TEX15: variants seen among roughly 807,000 people sequenced by gnomAD.
TEX15 encodes testis expressed 15, meiosis and synapsis associated.
In TEX15, 171 loss-of-function variants were observed where a neutral mutation model predicts 237.3. That is an observed-to-expected ratio of 0.72 (90% CI 0.64 to 0.82). The LOEUF is 0.82. Among genes scored for constraint, TEX15 ranks in the 40% least tolerant of loss-of-function variants. The probability of loss-of-function intolerance (pLI) is 0.00; values close to 1 mark genes in which losing one functional copy is unlikely to be tolerated. For missense variants in TEX15, 3,750 were observed against 3,646.5 expected (o/e 1.03, Z -0.73); for synonymous variants, 1,338 against 1,269.8 (o/e 1.05, Z -1.14).
intron 1 of TEX15, among the ~76,000 whole-genome samples, chr8:30,911,728 T>A (rs1181883833): frequency 1.3e-5 from 2 of 152,116 alleles, no homozygotes; most frequent in East Asian, 3.9e-4. Flanking sequence ...TTCTCGAACA[T>A]CATCCCTGGG....
intron 1 of TEX15, among the ~76,000 whole-genome samples, chr8:30,909,564 T>G (rs1181818076): frequency 1.3e-5 from 2 of 152,170 alleles, no homozygotes; most frequent in African/African-American, 4.8e-5. Flanking sequence ...AAAGCAATCA[T>G]CAAATTTACA....
In TEX15 at chr8:30,833,066, C is replaced by T; in HGVS notation, c.*220G>A. The T allele has an allele frequency of 2.4e-6, 1 of 417,248 alleles. No homozygotes were observed. The highest frequency in any genetic ancestry group is 5.0e-5 in the South Asian group (1 of 19,998). The allele number at this position is 417,248 out of a possible 1,614,324, so 25.8% of individuals were successfully genotyped here. A position where few individuals can be genotyped will look rare whatever the true frequency, so the allele number is the denominator to read the frequency against. On this transcript the variant is annotated 3_prime_UTR_variant, in exon 11 of 11. Coordinates refer to ENST00000643185, the MANE Select transcript of TEX15 (RefSeq NM_001350162.2). ...TTAACTTTGATCATATTACCCTCCC[C>T]TTATAATTGCATGGAAATAATTCTG...
At chr8:30,882,440 C>A (rs1585306554) in intron 3 of TEX15, among the ~76,000 whole-genome samples, 1 of 152,318 alleles carries the variant, frequency 6.6e-6, no homozygotes, top group South Asian at 2.1e-4. Flanking sequence ...GCGGCCGCCA[C>A]CATGCCCGGC....
Position 30,848,156 on chromosome 8 carries a change from T to C in TEX15, c.2011A>G (p.Ser671Gly). Residue 671 changes from serine (S) to glycine (G), a missense_variant, in exon 8 of 11, where the codon AGT (serine) becomes GGT (glycine). Physicochemically the swap from Ser to Gly is moderately conservative, Grantham distance 56 (BLOSUM62 0). Coordinates refer to ENST00000643185, the MANE Select transcript of TEX15 (RefSeq NM_001350162.2). ...CAGCTTTTCCCAAAAGAATTATGACTCTCACTCTCTTTGTATTCTTGGTGC... is the reference window on the plus strand; with the variant it reads ...CAGCTTTTCCCAAAAGAATTATGACCCTCACTCTCTTTGTATTCTTGGTGC... ...VLHQEYKESE[S>G]HNSFGKSCDK... 6.2e-7 allele frequency: 1 copy of C among 1,610,694 alleles called. No homozygotes were observed. The highest frequency in any genetic ancestry group is 8.5e-7 in the Non-Finnish European group (1 of 1,179,048).
chr8:30,910,610 CTTT>C (rs796129316), intron 1 of TEX15, among the ~76,000 whole-genome samples: 8 of 97,908 alleles, frequency 8.2e-5, no homozygotes, highest in Admixed American at 3.4e-4. Context: ...CACGCCTGGC[CTTT>C]TTTTTTTTTT....
intron 1 of TEX15, among the ~76,000 whole-genome samples, chr8:30,904,037 A>C (rs1263317650): frequency 6.6e-6 from 1 of 151,094 alleles, no homozygotes; most frequent in Non-Finnish European, 1.5e-5. Context: ...TATGGTTATG[A>C]GGCTTTTTAA....
intron 7 of TEX15, among the ~76,000 whole-genome samples, chr8:30,857,386 T>C (rs1329022984): frequency 6.6e-6 from 1 of 152,144 alleles, no homozygotes; most frequent in African/African-American, 2.4e-5. Flanking sequence ...AGTATTCTTA[T>C]GAAAGACACA....
intron 3 of TEX15, among the ~76,000 whole-genome samples, chr8:30,883,953 T>C (rs1038632676): frequency 1.3e-5 from 2 of 152,234 alleles, no homozygotes; most frequent in Non-Finnish European, 2.9e-5. Context: ...TGAACTAATT[T>C]ACATTTACAT....
In TEX15 at chr8:30,849,008, C is replaced by A; in HGVS notation, c.1159G>T (p.Asp387Tyr). Residue 387 changes from aspartate to tyrosine, a missense_variant, in exon 8 of 11, where the codon GAT (aspartate) becomes TAT (tyrosine). By Grantham distance (160) the Asp-to-Tyr change is radical (BLOSUM62 -3). Coordinates refer to ENST00000643185, the MANE Select transcript of TEX15 (RefSeq NM_001350162.2). ...TCACCATTAACACTGTCTTTGGCAT[C>A]ACTGGGCATAAGTGAAATGTCTGAA... ...HDSDISLMPS[D>Y]AKDSVNGDLL... The A allele has an allele frequency of 6.2e-7, 1 of 1,614,166 alleles. No individual in the cohort carries two copies. Among genetic ancestry groups the A allele is most frequent in the South Asian group, 1.1e-5 (1 of 91,076 alleles).
intron 3 of TEX15, among the ~76,000 whole-genome samples, chr8:30,878,047 C>T (rs1808436718): frequency 6.7e-6 from 1 of 148,740 alleles, no homozygotes; most frequent in South Asian, 2.1e-4. Context: ...TTTGTCATTT[C>T]TAGAATATTT....
intron 3 of TEX15, among the ~76,000 whole-genome samples, chr8:30,878,855 T>C (rs1327035282): frequency 1.3e-5 from 2 of 152,184 alleles, no homozygotes; most frequent in Non-Finnish European, 2.9e-5. Context: ...TGATGCCAAA[T>C]TGTTTTCTGG....
In TEX15 at chr8:30,882,411, C is replaced by G. The variant is rs562098125; in HGVS notation, c.136+4756G>C. 8.5e-5 allele frequency among the ~76,000 whole-genome samples: 13 copies of G among 152,318 alleles called. No individual in the cohort carries two copies. The South Asian group carries it at 2.7e-3, about 32-fold the overall frequency. ...ACACCATTCTCCTGCCTCAGCCTCC[C>G]AAGTAGCTGGGACTACAGGCGGCCG... On this transcript the variant is annotated intron_variant, in intron 3 of 10. Transcript: ENST00000643185.
chr8:30,889,801 A>G (rs1808743833), intron 2 of TEX15, among the ~76,000 whole-genome samples: 1 of 151,416 alleles, frequency 6.6e-6, no homozygotes, highest in Non-Finnish European at 1.5e-5. Flanking sequence ...GGGATATTAG[A>G]CCTTTGATAT....
At chr8:30,853,700 G>A (rs1807838668) in intron 7 of TEX15, among the ~76,000 whole-genome samples, 1 of 152,150 alleles carries the variant, frequency 6.6e-6, no homozygotes, top group African/African-American at 2.4e-5. Context: ...ACAGATACTG[G>A]AGGACTACTG....
intron 5 of TEX15, among the ~76,000 whole-genome samples, chr8:30,861,982 GT>G (rs898929113): frequency 6.6e-6 from 1 of 151,832 alleles, no homozygotes; most frequent in Admixed American, 6.6e-5. Context: ...ACTGGCAAAA[GT>G]TTTTTTTAAA....
At position 30,844,354 on chromosome 8, in the gene TEX15, A is replaced by G; in HGVS notation, c.5813T>C (p.Leu1938Ser). ...ATAGGCTATTTCTGAATGTAATGTC[A>G]AGTCAGACTGCGAGTCTTTACTAAC... is the stretch of plus-strand genomic sequence containing the variant. ...IKVSKDSQSD[L>S]TLHSEIAYIS... The change falls in exon 8 of 11, where the codon TTG becomes TCG. Residue 1938 changes from leucine to serine, a missense_variant. Transcript: ENST00000643185. 34 of 1,611,732 alleles carry G rather than the reference A, an allele frequency of 2.1e-5. No homozygotes were observed. Among genetic ancestry groups the G allele is most frequent in the Non-Finnish European group, 2.9e-5 (34 of 1,179,140 alleles).
chr8:30,868,418 C>A (rs1293867552), intron 4 of TEX15, among the ~76,000 whole-genome samples: 2 of 151,916 alleles, frequency 1.3e-5, no homozygotes, highest in Non-Finnish European at 2.9e-5. Flanking sequence ...AATGGAGAAC[C>A]TACAGAACCC....
chr8:30,847,780 T>C lies in TEX15; in HGVS notation c.2387A>G (p.Asn796Ser). ...YNIETAHDSSNCSITREHICV... is the reference protein window; with the variant it reads ...YNIETAHDSSSCSITREHICV... Reference sequence around the variant, plus strand: ...TATATGTTCTCTAGTTATGCTGCAATTTGAACTGTCATGAGCTGTTTCTAT... The same window carrying C: ...TATATGTTCTCTAGTTATGCTGCAACTTGAACTGTCATGAGCTGTTTCTAT... The change falls in exon 8 of 11, where the codon AAT (asparagine) becomes AGT (serine). Residue 796 changes from asparagine to serine, a missense_variant. Asn to Ser is a conservative substitution (Grantham distance 46). Transcript: ENST00000643185. 6.2e-7 allele frequency: 1 copy of C among 1,613,812 alleles called. No homozygotes were observed. The highest frequency in any genetic ancestry group is 8.5e-7 in the Non-Finnish European group (1 of 1,179,932).
At chr8:30,903,781 C>CACT (rs1809047482) in intron 1 of TEX15, among the ~76,000 whole-genome samples, 1 of 152,160 alleles carries the variant, frequency 6.6e-6, no homozygotes, top group Non-Finnish European at 1.5e-5. Flanking sequence ...TGCTTAAAGC[C>CACT]ACTTGTCTTC....
Sources: allele counts gnomAD v4.1 joint callset (sites outside exome capture counted in the v4.1 genomes callset), GRCh38; gene constraint gnomAD v4.1.1; transcripts MANE v1.5; gene names NCBI Gene and HGNC (gene_info 2026-07-23, HGNC 2026-07-21).